The following MDGA2 variants were observed in gnomAD, a reference collection of about 807,000 sequenced individuals.
The protein encoded by MDGA2 is MAM domain-containing glycosylphosphatidylinositol anchor protein 2.
In MDGA2, 40 loss-of-function variants were observed where a neutral mutation model predicts 117.8. That is an observed-to-expected ratio of 0.34 (90% CI 0.26 to 0.44). MDGA2 has a LOEUF of 0.44. Among genes scored for constraint, MDGA2 ranks in the 20% least tolerant of loss-of-function variants. The probability of loss-of-function intolerance (pLI) is 1.00; values close to 1 mark genes in which losing one functional copy is unlikely to be tolerated. For missense variants in MDGA2, 1,123 were observed against 1,250.6 expected (o/e 0.90, Z 1.54); for synonymous variants, 452 against 439.0 (o/e 1.03, Z -0.37).
intron 10 of MDGA2, among the ~76,000 whole-genome samples, chr14:46,907,227 C>T (rs899253238): frequency 2.6e-5 from 4 of 152,132 alleles, no homozygotes; most frequent in African/African-American, 9.7e-5. Flanking sequence ...ATCCTCCTGC[C>T]TTGGCCTCCC....
At chr14:47,556,944 T>A (rs1272586825) in intron 1 of MDGA2, among the ~76,000 whole-genome samples, 1 of 152,094 alleles carries the variant, frequency 6.6e-6, no homozygotes, top group Non-Finnish European at 1.5e-5. Flanking sequence ...AGTTTGCTAA[T>A]AAAGAAAAGA....
intron 6 of MDGA2, among the ~76,000 whole-genome samples, chr14:47,069,438 CATTT>C (rs1890199538): frequency 6.6e-6 from 1 of 152,092 alleles, no homozygotes; most frequent in African/African-American, 2.4e-5. Context: ...CTCCCTGGTT[CATTT>C]GAGTTCTATC....
At chr14:47,190,177 C>T (rs191706038) in intron 3 of MDGA2, among the ~76,000 whole-genome samples, 51 of 152,224 alleles carry the variant, frequency 3.4e-4, no homozygotes, top group Admixed American at 1.0e-3. Flanking sequence ...CTTTTGTTTC[C>T]GTATAGTTCC....
chr14:47,618,902 A>G (rs923398925), intron 1 of MDGA2, among the ~76,000 whole-genome samples: 1 of 152,110 alleles, frequency 6.6e-6, no homozygotes, highest in African/African-American at 2.4e-5. Flanking sequence ...AGGGCCACAC[A>G]TACAAGGCAC....
At chr14:47,170,365 T>C (rs917754710) in intron 3 of MDGA2, among the ~76,000 whole-genome samples, 18 of 152,282 alleles carry the variant, frequency 1.2e-4, no homozygotes, top group African/African-American at 4.3e-4. Context: ...AATGCTAAAT[T>C]ATTTGTTATG....
At chr14:47,197,481 C>T (rs10139891) in intron 3 of MDGA2, among the ~76,000 whole-genome samples, 2 of 151,732 alleles carry the variant, frequency 1.3e-5, no homozygotes, top group African/African-American at 2.4e-5. Flanking sequence ...CAGAACTGCA[C>T]GAAATAAATG....
chr14:47,344,234 C>T (rs959975550), intron 1 of MDGA2, among the ~76,000 whole-genome samples: 1 of 152,106 alleles, frequency 6.6e-6, no homozygotes, highest in African/African-American at 2.4e-5. Context: ...AAATATTTTT[C>T]ACAATGCTGT....
At chr14:47,282,457 T>A (rs138624725) in intron 2 of MDGA2, among the ~76,000 whole-genome samples, 13,795 of 151,336 alleles carry the variant, frequency 0.091, 768 homozygotes, top group Non-Finnish European at 0.11. Flanking sequence ...AGGCAGACAG[T>A]TCACGAGGTC....
chr14:47,220,461 A>G (rs1886258476), intron 2 of MDGA2, among the ~76,000 whole-genome samples: 1 of 152,204 alleles, frequency 6.6e-6, no homozygotes. Context: ...TGTTTCAAGC[A>G]GAAATGTCCT....
chr14:46,892,615 G>C (rs1474830104), intron 10 of MDGA2, among the ~76,000 whole-genome samples: 1 of 151,774 alleles, frequency 6.6e-6, no homozygotes, highest in African/African-American at 2.4e-5. Flanking sequence ...TCAGATAAAG[G>C]GGTAATGTCC....
intron 3 of MDGA2, among the ~76,000 whole-genome samples, chr14:47,176,859 C>T (rs1210608215): frequency 6.6e-6 from 1 of 152,144 alleles, no homozygotes; most frequent in Non-Finnish European, 1.5e-5. Context: ...TCAGAGTGAA[C>T]AGGCAACCTA....
chr14:47,423,680 T>C (rs571029760), intron 1 of MDGA2, among the ~76,000 whole-genome samples: 1 of 152,336 alleles, frequency 6.6e-6, no homozygotes, highest in African/African-American at 2.4e-5. Context: ...TTAAGAATCA[T>C]GTGATAGAAC....
At chr14:46,959,800 C>A (rs1403336377) in intron 8 of MDGA2, among the ~76,000 whole-genome samples, 1 of 152,098 alleles carries the variant, frequency 6.6e-6, no homozygotes, top group Non-Finnish European at 1.5e-5. Context: ...TTAAGTTATC[C>A]AAAAACATCA....
At chr14:47,185,558 A>G (rs553765043) in intron 3 of MDGA2, among the ~76,000 whole-genome samples, 2 of 151,582 alleles carry the variant, frequency 1.3e-5, no homozygotes, top group Non-Finnish European at 3.0e-5. Context: ...TAGAATTATA[A>G]CTCAATAAAA....
At chr14:47,459,811 T>C (rs1004800203) in intron 1 of MDGA2, among the ~76,000 whole-genome samples, 1 of 152,196 alleles carries the variant, frequency 6.6e-6, no homozygotes, top group Admixed American at 6.5e-5. Flanking sequence ...TTATGTGTTA[T>C]GGTAGCTGCT....
intron 8 of MDGA2, among the ~76,000 whole-genome samples, chr14:47,027,408 C>T (rs925081544): frequency 5.9e-5 from 9 of 151,966 alleles, no homozygotes; most frequent in Non-Finnish European, 1.0e-4. Context: ...GCTGGTCACT[C>T]TCCCACTTCT....
chr14:46,933,710 G>A (rs1884665971), intron 9 of MDGA2, among the ~76,000 whole-genome samples: 1 of 149,226 alleles, frequency 6.7e-6, no homozygotes, highest in Admixed American at 6.7e-5. Flanking sequence ...ACTTTAAAGA[G>A]GCATTATTTC....
intron 1 of MDGA2, among the ~76,000 whole-genome samples, chr14:47,484,842 T>C (rs1023415315): frequency 2.0e-5 from 3 of 152,164 alleles, no homozygotes; most frequent in Non-Finnish European, 4.4e-5. Context: ...CCATGTAGGA[T>C]GTGACTTGCT....
At chr14:46,918,760 C>CTTTTTTTT (rs34958634) in intron 10 of MDGA2, among the ~76,000 whole-genome samples, 51 of 124,760 alleles carry the variant, frequency 4.1e-4, no homozygotes, top group East Asian at 1.6e-3. Context: ...TACAGTGTAT[C>CTTTTTTTT]TTTTTTTTTT....
Sources: allele counts gnomAD v4.1 joint callset (sites outside exome capture counted in the v4.1 genomes callset), GRCh38; gene constraint gnomAD v4.1.1; transcripts MANE v1.5; gene names NCBI Gene and HGNC (gene_info 2026-07-23, HGNC 2026-07-21).